Variants in ARHGAP15 observed in about 807,000 individuals in gnomAD.
The protein encoded by ARHGAP15 is Rho GTPase activating protein 15, also known as rho GTPase-activating protein 15.
ARHGAP15 carries 51 observed loss-of-function variants against 63.7 expected under a neutral mutation model. That is an observed-to-expected ratio of 0.80 (90% CI 0.64 to 1.01). The LOEUF (loss-of-function observed/expected upper bound fraction) is 1.01, where lower values mean the gene tolerates loss of function less well. Among genes scored for constraint, ARHGAP15 ranks in the 50% least tolerant of loss-of-function variants. The pLI is 0.00. For synonymous variants in ARHGAP15, 191 were observed against 193.8 expected (o/e 0.99, Z 0.12); for missense variants, 560 against 564.6 (o/e 0.99, Z 0.08).
intron 8 of ARHGAP15, among the ~76,000 whole-genome samples, chr2:143,461,499 G>C (rs1380159064): frequency 6.6e-6 from 1 of 152,068 alleles, no homozygotes; most frequent in Non-Finnish European, 1.5e-5. Context: ...TGGGCTAAAT[G>C]TTATAAGAAC....
chr2:143,379,656 T>C (rs964952498), intron 6 of ARHGAP15, among the ~76,000 whole-genome samples: 1 of 151,890 alleles, frequency 6.6e-6, no homozygotes, highest in Non-Finnish European at 1.5e-5. Flanking sequence ...CAAAGATGTA[T>C]TGTCAACTAT....
chr2:143,380,284 C>G (rs1312494966), intron 6 of ARHGAP15, among the ~76,000 whole-genome samples: 1 of 152,122 alleles, frequency 6.6e-6, no homozygotes, highest in Admixed American at 6.6e-5. Context: ...AACATTTGGG[C>G]TGACCATGGG....
chr2:143,244,926 A>G lies in ARHGAP15; in HGVS notation c.385-5585A>G, dbSNP rs183425841. ...GTGCCTTTTGATTATGGATGGTGAA[A>G]GAAAGGAGGGAGTTAAGAAACTTTC... On this transcript the variant is annotated intron_variant, in intron 5 of 13. Transcript: ENST00000295095. Among the ~76,000 whole-genome samples, 3 of 152,326 alleles carry G rather than the reference A, an allele frequency of 2.0e-5. No homozygotes were observed. In the East Asian group the frequency reaches 5.8e-4, roughly 29 times the overall value.
intron 13 of ARHGAP15, among the ~76,000 whole-genome samples, chr2:143,705,337 T>G (rs926142549): frequency 6.6e-6 from 1 of 152,084 alleles, no homozygotes; most frequent in Non-Finnish European, 1.5e-5. Context: ...TCCAATGTGG[T>G]TTAGTGAAAG....
Position 143,195,219 on chromosome 2 carries a change from A to C in ARHGAP15, c.166-6915A>C, listed in dbSNP as rs575804896. On this transcript the variant is annotated intron_variant, in intron 2 of 13. Transcript: ENST00000295095. ...AGGCTTAGGGAAGAGCCCCCCTCCC[A>C]AAAAAAAAAGAGAGAATATTTGCTT... 8.6e-4 allele frequency among the ~76,000 whole-genome samples: 128 copies of C among 148,258 alleles called. 1 individual carries two copies. The highest frequency in any genetic ancestry group is 3.0e-3 in the African/African-American group (120 of 40,440).
chr2:143,492,590 T>C (rs1692631906), intron 9 of ARHGAP15, among the ~76,000 whole-genome samples: 5 of 92,472 alleles, frequency 5.4e-5, no homozygotes, highest in Admixed American at 5.2e-4. Context: ...AGACCCTGTC[T>C]CTCTACAAAA....
At chr2:143,614,320 T>C (rs1698376834) in intron 11 of ARHGAP15, among the ~76,000 whole-genome samples, 1 of 152,212 alleles carries the variant, frequency 6.6e-6, no homozygotes, top group South Asian at 2.1e-4. Context: ...CCAAACTTCC[T>C]ATATACTATG....
chr2:143,145,432 G>T (rs1689541994), intron 1 of ARHGAP15, among the ~76,000 whole-genome samples: 2 of 151,976 alleles, frequency 1.3e-5, no homozygotes, highest in Middle Eastern at 6.8e-3. Context: ...TAGGGTTGAG[G>T]TTCTACCTTT....
chr2:143,272,725 T>C (rs968928225), intron 6 of ARHGAP15, among the ~76,000 whole-genome samples: 2 of 152,108 alleles, frequency 1.3e-5, no homozygotes, highest in African/African-American at 2.4e-5. Flanking sequence ...ATTTAGAGAG[T>C]ATTATGTTCT....
intron 8 of ARHGAP15, among the ~76,000 whole-genome samples, chr2:143,486,178 C>G (rs1025941732): frequency 6.6e-6 from 1 of 151,906 alleles, no homozygotes; most frequent in Non-Finnish European, 1.5e-5. Context: ...TATCCCAAAC[C>G]CTCTCATTAT....
At chr2:143,448,985 T>C (rs748990398) in intron 8 of ARHGAP15, among the ~76,000 whole-genome samples, 7 of 152,092 alleles carry the variant, frequency 4.6e-5, no homozygotes, top group Non-Finnish European at 1.0e-4. Context: ...TCGGCCTTTG[T>C]GTAAAATAAC....
intron 12 of ARHGAP15, among the ~76,000 whole-genome samples, chr2:143,654,669 A>C (rs1263658585): frequency 6.6e-6 from 1 of 152,192 alleles, no homozygotes; most frequent in East Asian, 1.9e-4. Context: ...GTTGACTGAC[A>C]TTTCTAGTGT....
intron 6 of ARHGAP15, among the ~76,000 whole-genome samples, chr2:143,263,500 T>A (rs910644361): frequency 1.3e-5 from 2 of 152,132 alleles, no homozygotes; most frequent in Non-Finnish European, 2.9e-5. Context: ...AGCCATGATG[T>A]TGAGTGTGTG....
At chr2:143,166,065 A>AAAG in intron 2 of ARHGAP15, among the ~76,000 whole-genome samples, 1 of 126,196 alleles carries the variant, frequency 7.9e-6, no homozygotes, top group African/African-American at 3.0e-5. Flanking sequence ...AAGAAAGAAA[A>AAAG]AAAATATCTT....
intron 1 of ARHGAP15, among the ~76,000 whole-genome samples, chr2:143,151,992 C>T (rs1289181550): frequency 6.6e-6 from 1 of 151,912 alleles, no homozygotes; most frequent in Non-Finnish European, 1.5e-5. Flanking sequence ...GGCTCTGCTT[C>T]CCTCTCAATT....
Position 143,509,332 on chromosome 2 carries a change from G to GAAA in ARHGAP15, c.827-9922_827-9920dup, listed in dbSNP as rs35562461. Among the ~76,000 whole-genome samples, 830 of 140,040 alleles carry GAAA rather than the reference G, an allele frequency of 5.9e-3. 5 individuals are homozygous for GAAA. Among genetic ancestry groups the GAAA allele is most frequent in the African/African-American group, 0.021 (782 of 37,626 alleles). 91.9% of individuals were successfully genotyped at this position (140,040 alleles called of 152,430 possible). On this transcript the variant is annotated intron_variant, in intron 9 of 13. Coordinates refer to ENST00000295095, the MANE Select transcript of ARHGAP15 (RefSeq NM_018460.4). Reference sequence around the variant, plus strand: ...GCTTTTTCTTGTACTTGCCTCTTATGAAAAAAAAAAAAAATAAGTAAACAA... The same window carrying GAAA: ...GCTTTTTCTTGTACTTGCCTCTTATGAAAAAAAAAAAAAAAAATAAGTAAACAA...
At chr2:143,538,265 TAAG>T (rs1042262830) in intron 10 of ARHGAP15, among the ~76,000 whole-genome samples, 18 of 152,230 alleles carry the variant, frequency 1.2e-4, no homozygotes, top group African/African-American at 4.1e-4. Flanking sequence ...CTTATCAGCT[TAAG>T]GAGATTTTGG....
chr2:143,752,674 T>TA (rs1225366433), intron 13 of ARHGAP15, among the ~76,000 whole-genome samples: 1 of 152,160 alleles, frequency 6.6e-6, no homozygotes, highest in Non-Finnish European at 1.5e-5. Flanking sequence ...TGTTAAAGGT[T>TA]AACCCCTGTG....
At chr2:143,517,231 G>T (rs1033988903) in intron 9 of ARHGAP15, among the ~76,000 whole-genome samples, 3 of 152,146 alleles carry the variant, frequency 2.0e-5, no homozygotes, top group Non-Finnish European at 4.4e-5. Flanking sequence ...ACAGGTGTGA[G>T]TCACCATGCC....
Sources: gnomAD v4.1 joint callset for allele counts (sites outside exome capture counted in the v4.1 genomes callset) on GRCh38, gnomAD v4.1.1 for gene constraint, MANE v1.5 for transcripts, NCBI Gene and HGNC (gene_info 2026-07-23, HGNC 2026-07-21) for gene names.